The following VAV2 variants were observed in gnomAD, a reference collection of about 807,000 sequenced individuals.
VAV2 encodes guanine nucleotide exchange factor VAV2.
Under a neutral mutation model 132.5 loss-of-function variants are expected in VAV2, and 67 were observed. The ratio of observed to expected loss-of-function variants is 0.51; its 90% CI spans 0.42 to 0.62. The LOEUF is 0.62. Ranked by LOEUF, VAV2 falls within the 20% of genes least tolerant of loss-of-function variation. The pLI is 0.00. For missense variants in VAV2, 938 were observed against 1,153.6 expected (o/e 0.81, Z 2.71); for synonymous variants, 492 against 443.5 (o/e 1.11, Z -1.37).
intron 2 of VAV2, among the ~76,000 whole-genome samples, chr9:133,901,194 A>G (rs1657912886): frequency 6.6e-6 from 1 of 152,174 alleles, no homozygotes; most frequent in Admixed American, 6.5e-5. Context: ...CAGTTTTAGG[A>G]ACATTTCATG....
chr9:133,913,769 G>C (rs1293124604), intron 2 of VAV2, among the ~76,000 whole-genome samples: 3 of 152,246 alleles, frequency 2.0e-5, no homozygotes, highest in African/African-American at 7.2e-5. Context: ...GCCCAGGTCA[G>C]TGAGCCTCGG....
intron 2 of VAV2, among the ~76,000 whole-genome samples, chr9:133,874,750 T>C (rs1456840069): frequency 2.0e-5 from 3 of 151,870 alleles, no homozygotes; most frequent in Admixed American, 1.3e-4. Context: ...GTGGAGACAG[T>C]GAACCAAGGG....
rs1375210935 is a variant in VAV2 at position 133,785,895 on chromosome 9, G to C, written c.1423-10C>G. ...AGAAGCCGTAGGACCACTGCAGGGGGGAGAGGGGCCATGCTTGCAATAGAC... is the reference window on the plus strand; with the variant it reads ...AGAAGCCGTAGGACCACTGCAGGGGCGAGAGGGGCCATGCTTGCAATAGAC... On this transcript the variant is annotated splice_polypyrimidine_tract_variant and intron_variant, in intron 16 of 29. Coordinates refer to ENST00000371850, the MANE Select transcript of VAV2 (RefSeq NM_001134398.2). 1.2e-6 allele frequency: 2 copies of C among 1,611,034 alleles called. No homozygotes were observed. The highest frequency in any genetic ancestry group is 1.7e-6 in the Non-Finnish European group (2 of 1,178,130).
At chr9:133,904,174 C>T (rs1839551964) in intron 2 of VAV2, among the ~76,000 whole-genome samples, 1 of 152,188 alleles carries the variant, frequency 6.6e-6, no homozygotes, top group Admixed American at 6.5e-5. Flanking sequence ...GGGCCGGCTC[C>T]AGCCCAAGCG....
chr9:133,815,562 T>C (rs1835524343), intron 4 of VAV2, among the ~76,000 whole-genome samples: 1 of 152,226 alleles, frequency 6.6e-6, no homozygotes, highest in South Asian at 2.1e-4. Flanking sequence ...TTTGTTTTTG[T>C]GCCTGGCTTC....
At chr9:133,816,874 A>T (rs1835579893) in intron 4 of VAV2, among the ~76,000 whole-genome samples, 1 of 152,172 alleles carries the variant, frequency 6.6e-6, no homozygotes, top group African/African-American at 2.4e-5. Flanking sequence ...TTACACTAAC[A>T]CTTCTGTGTC....
rs901809041 is a variant in VAV2, at chr9:133,961,343, A to G, written c.205-22124T>C. ...TGAAGCTTCGGCCTGTGGCCAAGAC[A>G]CCATGGGCAGTGGAATGAGCAACGT... On this transcript the variant is annotated intron_variant, in intron 1 of 29. Transcript: ENST00000371850. The surrounding 1 kb of genome is among the most constrained non-coding windows in gnomAD (Gnocchi z 4.1). Among the ~76,000 whole-genome samples, 1 of 152,196 alleles carries G rather than the reference A, an allele frequency of 6.6e-6. No individual in the cohort carries two copies. Among genetic ancestry groups the G allele is most frequent in the Non-Finnish European group, 1.5e-5 (1 of 68,036 alleles).
intron 2 of VAV2, among the ~76,000 whole-genome samples, chr9:133,875,436 G>A (rs1259359893): frequency 6.6e-6 from 1 of 152,312 alleles, no homozygotes; most frequent in Admixed American, 6.5e-5. Flanking sequence ...TGAGCAGGCA[G>A]AGGGGGCCCC....
At chr9:133,907,084 G>A (rs943903013) in intron 2 of VAV2, among the ~76,000 whole-genome samples, 29 of 152,314 alleles carry the variant, frequency 1.9e-4, no homozygotes, top group African/African-American at 6.7e-4. Context: ...GCCCTCTGGT[G>A]TCCACACTCT....
chr9:133,905,232 C>T (rs1209708744), intron 2 of VAV2, among the ~76,000 whole-genome samples: 1 of 151,258 alleles, frequency 6.6e-6, no homozygotes, highest in East Asian at 2.0e-4. Flanking sequence ...AGTTCGAGAC[C>T]AGCCTGGCCA....
chr9:133,939,073 C>A (rs780988699), intron 2 of VAV2, 30 bp downstream of exon 2: 2 of 1,602,124 alleles, frequency 1.2e-6, no homozygotes, highest in Non-Finnish European at 1.7e-6. Context: ...CACAGCTGAG[C>A]GACCGAGGCT....
chr9:133,861,316 G>A (rs376699713), intron 3 of VAV2, 58 bp downstream of exon 3: 25 of 1,549,362 alleles, frequency 1.6e-5, no homozygotes, highest in East Asian at 4.7e-5. Context: ...GACAAGGCAC[G>A]CTGGTGTCGA....
intron 2 of VAV2, among the ~76,000 whole-genome samples, chr9:133,874,651 C>A (rs1403495420): frequency 6.6e-6 from 1 of 152,112 alleles, no homozygotes; most frequent in Non-Finnish European, 1.5e-5. Flanking sequence ...TGGCCTCCCC[C>A]ACACCACCCC....
chr9:133,776,022 A>C lies in VAV2; in HGVS notation c.2018+6T>G. On this transcript the variant is annotated splice_donor_region_variant and intron_variant, in intron 24 of 29. Transcript: ENST00000371850. ...TGCCCATGTCTGCAGCCCACGATCC[A>C]CTCACCAGGGGTATGCAGTGTAGTC... is the stretch of plus-strand genomic sequence containing the variant. 1 of 1,605,428 alleles carries C rather than the reference A, an allele frequency of 6.2e-7. No individual in the cohort carries two copies. The highest frequency in any genetic ancestry group is 8.5e-7 in the Non-Finnish European group (1 of 1,174,846).
At chr9:133,937,501 C>T (rs13284678) in intron 2 of VAV2, among the ~76,000 whole-genome samples, 11 of 19,078 alleles carry the variant, frequency 5.8e-4, no homozygotes, top group Non-Finnish European at 9.6e-4. Flanking sequence ...AGAGTGTGTG[C>T]GTGTGAGTGT....
At chr9:133,796,299 G>T in intron 11 of VAV2, 130 bp downstream of exon 11, 2 of 708,524 alleles carry the variant, frequency 2.8e-6, no homozygotes, top group Non-Finnish European at 4.7e-6. Context: ...TATGAGCTAA[G>T]CATGAACTGA....
At chr9:133,891,334 TAGAAGGGAAGGGATGAAGGGGGAGG>T (rs1838927009) in intron 2 of VAV2, among the ~76,000 whole-genome samples, 4 of 38,948 alleles carry the variant, frequency 1.0e-4, no homozygotes, top group African/African-American at 1.2e-4. Context: ...AGGGGAGGAA[TAGAAGGGAAGGGATGAAGGGGGAGG>T]GATAAAGGGG....
At chr9:133,799,418 C>A (rs1834846220) in intron 9 of VAV2, among the ~76,000 whole-genome samples, 1 of 152,322 alleles carries the variant, frequency 6.6e-6, no homozygotes, top group East Asian at 1.9e-4. Context: ...CTCTGGCATG[C>A]GAGGCTGACA....
chr9:133,836,102 A>T (rs1836461186), intron 3 of VAV2, among the ~76,000 whole-genome samples: 1 of 152,194 alleles, frequency 6.6e-6, no homozygotes, highest in Non-Finnish European at 1.5e-5. Context: ...ACGGCCAAGA[A>T]GCCCCTCAAG....
Sources: gnomAD v4.1 joint callset for allele counts (sites outside exome capture counted in the v4.1 genomes callset) on GRCh38, gnomAD v4.1.1 for gene constraint, Gnocchi (gnomAD v3.1) non-coding constraint, MANE v1.5 for transcripts, NCBI Gene and HGNC (gene_info 2026-07-23, HGNC 2026-07-21) for gene names.